Variants in CDYL2 observed in about 807,000 individuals in gnomAD.
CDYL2 encodes chromodomain Y like 2, also known as chromodomain Y-like protein 2.
In CDYL2, 23 loss-of-function variants were observed where a neutral mutation model predicts 49.4. The ratio of observed to expected loss-of-function variants is 0.47; its 90% CI spans 0.34 to 0.66. CDYL2 has a LOEUF of 0.66. CDYL2 is among the 30% of genes least tolerant of loss of function. CDYL2 has a pLI of 0.01. For synonymous variants in CDYL2, 360 were observed against 268.8 expected (o/e 1.34, Z -3.32); for missense variants, 678 against 656.4 (o/e 1.03, Z -0.36).
At chr16:80,622,921 C>T (rs1907146336) in intron 3 of CDYL2, among the ~76,000 whole-genome samples, 1 of 152,148 alleles carries the variant, frequency 6.6e-6, no homozygotes, top group Non-Finnish European at 1.5e-5. Flanking sequence ...ACTTGCACCC[C>T]CAACCCCTTG....
chr16:80,680,266 C>T (rs536533288), intron 2 of CDYL2, among the ~76,000 whole-genome samples: 7 of 152,144 alleles, frequency 4.6e-5, no homozygotes, highest in African/African-American at 7.2e-5. Context: ...TGAGATGCAA[C>T]GTCTGTGCAG....
At chr16:80,625,914 T>C (rs1000691571) in intron 3 of CDYL2, among the ~76,000 whole-genome samples, 6 of 152,176 alleles carry the variant, frequency 3.9e-5, no homozygotes, top group African/African-American at 1.4e-4. Context: ...TTACCATTTT[T>C]AGACCCTCAC....
intron 1 of CDYL2, among the ~76,000 whole-genome samples, chr16:80,790,517 T>G (rs1567607532): frequency 6.6e-6 from 1 of 152,234 alleles, no homozygotes; most frequent in African/African-American, 2.4e-5. Flanking sequence ...CACCAAAGTC[T>G]GCTTCACAGC....
intron 1 of CDYL2, among the ~76,000 whole-genome samples, chr16:80,729,988 A>C (rs1056904317): frequency 1.3e-5 from 2 of 152,198 alleles, no homozygotes; most frequent in African/African-American, 4.8e-5. Flanking sequence ...AAATGCCCAC[A>C]AGAGAAAGCA....
At chr16:80,620,698 G>C in intron 4 of CDYL2, 65 bp downstream of exon 4, 1 of 1,401,530 alleles carries the variant, frequency 7.1e-7, no homozygotes, top group Non-Finnish European at 9.5e-7. Flanking sequence ...TAACTGAGCA[G>C]CCTGTATTTT....
intron 1 of CDYL2, among the ~76,000 whole-genome samples, chr16:80,691,326 T>C (rs1195269556): frequency 6.6e-6 from 1 of 152,214 alleles, no homozygotes; most frequent in African/African-American, 2.4e-5. Flanking sequence ...CAACTTGGCA[T>C]GGGCTATTTA....
At chr16:80,794,555 C>T (rs1236528350) in intron 1 of CDYL2, among the ~76,000 whole-genome samples, 1 of 149,966 alleles carries the variant, frequency 6.7e-6, no homozygotes, top group African/African-American at 2.5e-5. Context: ...GTATATTAAA[C>T]CATATACGAT....
chr16:80,643,399 G>A (rs1400108913), intron 2 of CDYL2, among the ~76,000 whole-genome samples: 7 of 152,216 alleles, frequency 4.6e-5, no homozygotes, highest in Non-Finnish European at 8.8e-5. Context: ...AGCACAAGCT[G>A]TCAGTGGATT....
At chr16:80,782,850 T>C (rs1245258121) in intron 1 of CDYL2, among the ~76,000 whole-genome samples, 1 of 152,112 alleles carries the variant, frequency 6.6e-6, no homozygotes, top group African/African-American at 2.4e-5. Flanking sequence ...TGAAACTCTC[T>C]TAACATCATA....
intron 1 of CDYL2, among the ~76,000 whole-genome samples, chr16:80,772,108 T>C (rs1430305329): frequency 6.6e-6 from 1 of 152,132 alleles, no homozygotes; most frequent in African/African-American, 2.4e-5. Context: ...ACTAAGGAAA[T>C]AACTGCAGTC....
chr16:80,781,623 T>G (rs902040963), intron 1 of CDYL2, among the ~76,000 whole-genome samples: 1 of 152,128 alleles, frequency 6.6e-6, no homozygotes, highest in African/African-American at 2.4e-5. Flanking sequence ...CTGAATAGAC[T>G]ACATGTTGGG....
chr16:80,607,136 G>A (rs116218921), intron 6 of CDYL2, among the ~76,000 whole-genome samples: 2,252 of 152,160 alleles, frequency 0.015, 59 homozygotes, highest in African/African-American at 0.05. Flanking sequence ...AGAAATGCTC[G>A]TGGCCCGCGT....
chr16:80,802,829 G>C (rs960538152), intron 1 of CDYL2, among the ~76,000 whole-genome samples: 1 of 152,224 alleles, frequency 6.6e-6, no homozygotes, highest in African/African-American at 2.4e-5. Context: ...AGAGGAAAGA[G>C]CTTCTTAGGA....
intron 1 of CDYL2, among the ~76,000 whole-genome samples, chr16:80,785,192 A>G (rs957129340): frequency 1.3e-5 from 2 of 152,226 alleles, no homozygotes; most frequent in African/African-American, 2.4e-5. Flanking sequence ...TGCAGATGAC[A>G]TGATTGTATG....
At chr16:80,791,669 A>T (rs1907612023) in intron 1 of CDYL2, among the ~76,000 whole-genome samples, 3 of 152,184 alleles carry the variant, frequency 2.0e-5, no homozygotes, top group Admixed American at 2.0e-4. Context: ...GTCATTTGGA[A>T]GGATATGATT....
At chr16:80,797,816 C>T (rs1907811657) in intron 1 of CDYL2, among the ~76,000 whole-genome samples, 1 of 152,214 alleles carries the variant, frequency 6.6e-6, no homozygotes, top group South Asian at 2.1e-4. Flanking sequence ...AAGCCACCAT[C>T]ATCTTGTTTC....
chr16:80,771,318 G>T (rs369820188), intron 1 of CDYL2, among the ~76,000 whole-genome samples: 1 of 152,202 alleles, frequency 6.6e-6, no homozygotes, highest in Non-Finnish European at 1.5e-5. Flanking sequence ...GGTCTAGGGG[G>T]ACTCCAGATG....
chr16:80,625,143 C>T (rs1269119466), intron 3 of CDYL2, among the ~76,000 whole-genome samples: 1 of 152,032 alleles, frequency 6.6e-6, no homozygotes, highest in Admixed American at 6.5e-5. Flanking sequence ...TCTTATAGTC[C>T]CTTAGGTCAG....
At chr16:80,721,437 C>A (rs912570845) in intron 1 of CDYL2, among the ~76,000 whole-genome samples, 2 of 152,220 alleles carry the variant, frequency 1.3e-5, no homozygotes, top group South Asian at 4.1e-4. Context: ...GTTTGGGCAG[C>A]AAAATAGTAT....
Sources: allele counts gnomAD v4.1 joint callset (sites outside exome capture counted in the v4.1 genomes callset), GRCh38; gene constraint gnomAD v4.1.1; transcripts MANE v1.5; gene names NCBI Gene and HGNC (gene_info 2026-07-23, HGNC 2026-07-21).